Variants in SPINK5 observed in about 807,000 individuals in gnomAD.
The protein encoded by SPINK5 is serine peptidase inhibitor Kazal type 5, also known as serine protease inhibitor Kazal-type 5.
In SPINK5, 125 loss-of-function variants were observed where a neutral mutation model predicts 151.8. The ratio of observed to expected loss-of-function variants is 0.82; its 90% CI spans 0.71 to 0.96. The LOEUF is 0.96. Among genes scored for constraint, SPINK5 ranks in the 40% least tolerant of loss-of-function variants. The pLI is 0.00. For synonymous variants in SPINK5, 374 were observed against 395.3 expected, an observed-to-expected ratio of 0.95 and a Z score of 0.64; for missense variants, 1,194 against 1,291.9, an observed-to-expected ratio of 0.92 and a Z score of 1.16.
At chr5:148,082,589 G>T (rs2113032438) in intron 4 of SPINK5, among the ~76,000 whole-genome samples, 1 of 100,160 alleles carries the variant, frequency 1.0e-5, no homozygotes, top group Non-Finnish European at 1.9e-5. Flanking sequence ...TTTTATGAAT[G>T]TTTTATATAT....
At chr5:148,066,718 C>A (rs139700632) in intron 2 of SPINK5, among the ~76,000 whole-genome samples, 43 of 152,210 alleles carry the variant, frequency 2.8e-4, no homozygotes, top group African/African-American at 1.0e-3. Context: ...ATATAAATAT[C>A]ATTGTGTATA....
chr5:148,079,742 A>G (rs1213421652), intron 4 of SPINK5, among the ~76,000 whole-genome samples: 1 of 151,162 alleles, frequency 6.6e-6, no homozygotes, highest in Non-Finnish European at 1.5e-5. Context: ...TTATCAATAG[A>G]AGTAAGCTTT....
chr5:148,098,038 C>T, intron 11 of SPINK5, 44 bp downstream of exon 11: 1 of 1,582,120 alleles, frequency 6.3e-7, no homozygotes, highest in East Asian at 2.3e-5. Flanking sequence ...AGGGATCTTG[C>T]AGGTAATTTA....
At chr5:148,129,634 G>A (rs776599549) in intron 30 of SPINK5, among the ~76,000 whole-genome samples, 3 of 152,112 alleles carry the variant, frequency 2.0e-5, no homozygotes, top group Non-Finnish European at 4.4e-5. Context: ...TTTCATATAA[G>A]TTACTTATCT....
In SPINK5 at chr5:148,104,947, TA is replaced by T; in HGVS notation, c.1431-2del. The T allele has an allele frequency of 6.2e-7, 1 of 1,611,880 alleles. No individual in the cohort carries two copies. The highest frequency in any genetic ancestry group is 8.5e-7 in the Non-Finnish European group (1 of 1,179,130). The stretch of plus-strand genomic sequence containing the variant: ...TTCTCTCTTTTTCTTTTCGGTTTCT[TA>T]AAGTCAACAAGAAGAAAGAGCAAGA... On this transcript the variant is annotated splice_region_variant and splice_polypyrimidine_tract_variant and intron_variant, in intron 15 of 32. Transcript: ENST00000256084.
At chr5:148,072,531 G>C (rs1027586253) in intron 4 of SPINK5, among the ~76,000 whole-genome samples, 2 of 151,950 alleles carry the variant, frequency 1.3e-5, no homozygotes, top group African/African-American at 4.8e-5. Flanking sequence ...CCAAAGAAGA[G>C]CTTTCCTGGG....
intron 4 of SPINK5, among the ~76,000 whole-genome samples, chr5:148,080,378 A>T (rs895354119): frequency 2.0e-5 from 3 of 151,346 alleles, no homozygotes; most frequent in African/African-American, 7.3e-5. Context: ...TTTTGGTAGA[A>T]ATAGAGCAGT....
chr5:148,080,743 C>G (rs994296925), intron 4 of SPINK5, among the ~76,000 whole-genome samples: 1 of 151,402 alleles, frequency 6.6e-6, no homozygotes, highest in Non-Finnish European at 1.5e-5. Context: ...GGTAGAGTGA[C>G]TTTAGACATA....
intron 10 of SPINK5, among the ~76,000 whole-genome samples, chr5:148,096,335 C>T (rs528206813): frequency 9.1e-4 from 138 of 151,962 alleles, no homozygotes; most frequent in African/African-American, 3.3e-3. Context: ...AACTAGTCAC[C>T]TGTCTGTTTT....
intron 8 of SPINK5, 50 bp downstream of exon 8, chr5:148,091,278 C>T (rs1467664688): frequency 1.4e-6 from 2 of 1,443,408 alleles, no homozygotes; most frequent in South Asian, 2.3e-5. Context: ...TATTTATTAA[C>T]AAATGTATGC....
chr5:148,063,995 G>C lies in SPINK5; in HGVS notation c.-50G>C. ...CCCCGAGTTCAGTCATACTGCACCA[G>C]CTGAGCAATGCATGGAGTGGACCTG... On this transcript the variant is annotated 5_prime_UTR_variant, in exon 1 of 33. Coordinates refer to ENST00000256084, the MANE Select transcript of SPINK5 (RefSeq NM_006846.4). 1 of 1,603,814 alleles carries C rather than the reference G, an allele frequency of 6.2e-7. No individual in the cohort carries two copies. Among genetic ancestry groups the C allele is most frequent in the Non-Finnish European group, 8.5e-7 (1 of 1,170,814 alleles).
At chr5:148,133,286 A>G (rs1754617580) in intron 31 of SPINK5, among the ~76,000 whole-genome samples, 1 of 152,208 alleles carries the variant, frequency 6.6e-6, no homozygotes, top group Non-Finnish European at 1.5e-5. Flanking sequence ...CTTGATAGAT[A>G]ATGAGTTTCC....
intron 18 of SPINK5, 120 bp downstream of exon 18, chr5:148,108,957 T>A: frequency 6.5e-7 from 1 of 1,539,152 alleles, no homozygotes; most frequent in Non-Finnish European, 8.9e-7. Context: ...TGGGAAAATG[T>A]GTTTGGATCC....
In SPINK5 at chr5:148,108,738, C is replaced by T. The variant is rs775012724; in HGVS notation, c.1608-15C>T. 1 of 1,609,242 alleles carries T rather than the reference C, an allele frequency of 6.2e-7. No homozygotes were observed. Among genetic ancestry groups the T allele is most frequent in the Non-Finnish European group, 8.5e-7 (1 of 1,176,908 alleles). ...GGGAATCATATTCAGCCTATATCTT[C>T]TTTTTCTATTACAGCAAACTTGAAG... On this transcript the variant is annotated splice_polypyrimidine_tract_variant and intron_variant, in intron 17 of 32. Coordinates refer to ENST00000256084, the MANE Select transcript of SPINK5 (RefSeq NM_006846.4).
intron 20 of SPINK5, among the ~76,000 whole-genome samples, chr5:148,113,703 G>T (rs1014226092): frequency 6.6e-6 from 1 of 151,600 alleles, no homozygotes; most frequent in African/African-American, 2.4e-5. Flanking sequence ...TGTATGTTTG[G>T]CTTGTTTACA....
Position 148,117,823 on chromosome 5 carries a change from CA to C in SPINK5, c.2113-612del, listed in dbSNP as rs1754136503. ...GATTTTGATCCTGGAACCAATCCCC[CA>C]AGTGTACCAAGGGGAAACTGTAGTT... On this transcript the variant is annotated intron_variant, in intron 22 of 32. Coordinates refer to ENST00000256084, the MANE Select transcript of SPINK5 (RefSeq NM_006846.4). 2.0e-5 allele frequency among the ~76,000 whole-genome samples: 3 copies of C among 152,242 alleles called. No individual in the cohort carries two copies. The South Asian group carries it at 6.2e-4, about 32-fold the overall frequency.
In SPINK5 at chr5:148,114,457, T is replaced by G; in HGVS notation, c.1983T>G (p.His661Gln). Residue 661 changes from histidine (H) to glutamine (Q), a missense_variant, in exon 21 of 33, where the codon CAT (histidine) becomes CAG (glutamine). By Grantham distance (24) the His-to-Gln change is conservative. Coordinates refer to ENST00000256084, the MANE Select transcript of SPINK5 (RefSeq NM_006846.4). ...DPVRGPDGKT[H>Q]GNKCAMCKAV... The stretch of plus-strand genomic sequence containing the variant: ...TGCGTGGCCCAGATGGCAAGACCCA[T>G]GGCAACAAGTGTGCCATGTGTAAGG... 1 of 1,613,642 alleles carries G rather than the reference T, an allele frequency of 6.2e-7. No homozygotes were observed. The highest frequency in any genetic ancestry group is 1.1e-5 in the South Asian group (1 of 91,064).
intron 32 of SPINK5, among the ~76,000 whole-genome samples, chr5:148,134,828 C>T (rs17775739): frequency 0.039 from 5,992 of 151,940 alleles, 185 homozygotes; most frequent in East Asian, 0.13. Context: ...TTCACATTCT[C>T]TTTGCTCCAT....
intron 32 of SPINK5, among the ~76,000 whole-genome samples, chr5:148,136,710 C>T (rs1283584025): frequency 6.6e-6 from 1 of 152,138 alleles, no homozygotes; most frequent in Non-Finnish European, 1.5e-5. Context: ...ATGACACCTA[C>T]TTCTTTTTTA....
Sources: allele counts gnomAD v4.1 joint callset (sites outside exome capture counted in the v4.1 genomes callset), GRCh38; gene constraint gnomAD v4.1.1; transcripts MANE v1.5; gene names NCBI Gene and HGNC (gene_info 2026-07-23, HGNC 2026-07-21).